MTOR: variants seen among roughly 807,000 people sequenced by gnomAD.
MTOR encodes mechanistic target of rapamycin kinase.
A neutral mutation model predicts 319.8 loss-of-function variants in MTOR; 70 were observed. That is an observed-to-expected ratio of 0.22 (90% CI 0.18 to 0.27). MTOR has a LOEUF of 0.27. MTOR is among the 10% of genes least tolerant of loss of function. The probability of loss-of-function intolerance (pLI) is 1.00; values close to 1 mark genes in which losing one functional copy is unlikely to be tolerated. For missense variants in MTOR, 1,890 were observed against 3,274.4 expected (o/e 0.58, Z 10.32); for synonymous variants, 1,183 against 1,211.4 (o/e 0.98, Z 0.49).
intron 19 of MTOR, among the ~76,000 whole-genome samples, chr1:11,225,743 T>C (rs1342192615): frequency 6.6e-6 from 1 of 152,058 alleles, no homozygotes; most frequent in Non-Finnish European, 1.5e-5. Context: ...CTTTGAAAAA[T>C]GCTTTAACAA....
At chr1:11,211,852 T>C (rs1479059672) in intron 23 of MTOR, among the ~76,000 whole-genome samples, 1 of 152,192 alleles carries the variant, frequency 6.6e-6, no homozygotes, top group Non-Finnish European at 1.5e-5. Context: ...TTTCCTGCTG[T>C]GCCCTGAACT....
At chr1:11,246,398 T>C (rs951316451) in intron 8 of MTOR, among the ~76,000 whole-genome samples, 8 of 152,230 alleles carry the variant, frequency 5.3e-5, no homozygotes, top group African/African-American at 9.6e-5. Context: ...AACAGCAGCC[T>C]GTCTGGTCAT....
At chr1:11,114,481 C>G (rs778967508) in intron 52 of MTOR, 28 bp from the exon 53 acceptor site, 2 of 1,613,310 alleles carry the variant, frequency 1.2e-6, no homozygotes, top group Non-Finnish European at 1.7e-6. Context: ...CCACTCACCA[C>G]AGGAGTTACT....
At position 11,127,884 on chromosome 1, in the gene MTOR, T is replaced by C. The variant is rs1406878583; in HGVS notation, c.6034-78A>G. ...AGGTCTGTTTTGGAGACACAGGAGG[T>C]ACTATTTCCAGCAGTCAGAGGAAGT... On this transcript the variant is annotated intron_variant, in intron 43 of 57. Coordinates refer to ENST00000361445, the MANE Select transcript of MTOR (RefSeq NM_004958.4). The surrounding 1 kb of genome is among the most constrained non-coding windows in gnomAD (Gnocchi z 5.5). 1.0e-5 allele frequency: 16 copies of C among 1,578,240 alleles called. No individual in the cohort carries two copies. The highest frequency in any genetic ancestry group is 1.4e-5 in the Non-Finnish European group (16 of 1,162,576).
intron 16 of MTOR, 87 bp from the exon 17 acceptor site, chr1:11,231,521 A>G: frequency 6.7e-7 from 1 of 1,500,988 alleles, no homozygotes; most frequent in Non-Finnish European, 9.0e-7. Context: ...ATTATAATGA[A>G]GTGTTAGAGG....
chr1:11,162,997 A>C (rs1038315312), intron 29 of MTOR, among the ~76,000 whole-genome samples: 1 of 152,234 alleles, frequency 6.6e-6, no homozygotes, highest in African/African-American at 2.4e-5. Context: ...GGCAAATTGG[A>C]TAAAGAGTCA....
At chr1:11,195,116 T>G (rs28991013) in intron 28 of MTOR, 4 of 1,344,332 alleles carry the variant, frequency 3.0e-6, no homozygotes, top group East Asian at 4.9e-5. Context: ...TTAGAAAGGG[T>G]AGGACTGAGA....
chr1:11,230,945 G>C lies in MTOR; in HGVS notation c.2759C>G (p.Ser920Cys), dbSNP rs769287552. ...RDASAVSLSESKSSQDSSDYS... is the reference protein window; with the variant it reads ...RDASAVSLSECKSSQDSSDYS... ...CTTACAGGAATCCTGACTTGACTTGGATTCTGACAGGCTGACAGCAGAGGC... is the reference window on the plus strand; with the variant it reads ...CTTACAGGAATCCTGACTTGACTTGCATTCTGACAGGCTGACAGCAGAGGC... The change falls in exon 18 of 58, where the codon TCC (serine) becomes TGC (cysteine). Residue 920 changes from serine to cysteine, a missense_variant. Around this residue, in one of 15 missense-constraint regions of MTOR, gnomAD observed 377 missense variants for 653.9 expected, o/e 0.58. Coordinates refer to ENST00000361445, the MANE Select transcript of MTOR (RefSeq NM_004958.4). 6.2e-7 allele frequency: 1 copy of C among 1,614,028 alleles called. No homozygotes were observed. Among genetic ancestry groups the C allele is most frequent in the South Asian group, 1.1e-5 (1 of 91,070 alleles).
chr1:11,187,414 C>A (rs1265539743), intron 28 of MTOR, among the ~76,000 whole-genome samples: 1 of 152,206 alleles, frequency 6.6e-6, no homozygotes, highest in Non-Finnish European at 1.5e-5. Context: ...GAGCACGCAA[C>A]CTAGATCCCT....
chr1:11,209,547 C>T, intron 24 of MTOR, 89 bp from the exon 25 acceptor site: 1 of 1,473,498 alleles, frequency 6.8e-7, no homozygotes, highest in Non-Finnish European at 9.3e-7. Context: ...AGGTGCAGAC[C>T]TGGTAGAGCC....
intron 53 of MTOR, among the ~76,000 whole-genome samples, chr1:11,113,874 G>A (rs1343667457): frequency 6.6e-6 from 1 of 152,150 alleles, no homozygotes; most frequent in African/African-American, 2.4e-5. Flanking sequence ...CATGGGAGGT[G>A]ATTAGATCAT....
chr1:11,227,647 A>G (rs1646888788), intron 19 of MTOR, among the ~76,000 whole-genome samples: 1 of 152,190 alleles, frequency 6.6e-6, no homozygotes, highest in Admixed American at 6.5e-5. Flanking sequence ...GGTTTAAAGA[A>G]AGACACAAGA....
intron 28 of MTOR, chr1:11,194,987 G>A (rs746484379): frequency 9.3e-6 from 15 of 1,614,030 alleles, no homozygotes; most frequent in South Asian, 6.6e-5. Context: ...TCAAACGGGT[G>A]GAGATGAAAA....
At chr1:11,120,729 G>C (rs897786015) in intron 49 of MTOR, among the ~76,000 whole-genome samples, 8 of 151,924 alleles carry the variant, frequency 5.3e-5, no homozygotes, top group African/African-American at 1.9e-4. Flanking sequence ...AAATCATCTT[G>C]GGTACATATA....
chr1:11,211,041 T>C, intron 23 of MTOR, 135 bp from the exon 24 acceptor site: 1 of 606,146 alleles, frequency 1.6e-6, no homozygotes. Flanking sequence ...TTCAAAAGAA[T>C]CCTTCTTCCC....
intron 19 of MTOR, among the ~76,000 whole-genome samples, chr1:11,224,507 T>C (rs1054815470): frequency 2.6e-5 from 4 of 152,126 alleles, no homozygotes; most frequent in African/African-American, 9.7e-5. Context: ...TCAGTATTGA[T>C]AGATCAAACA....
At chr1:11,181,003 T>C (rs527833184) in intron 28 of MTOR, among the ~76,000 whole-genome samples, 1 of 152,186 alleles carries the variant, frequency 6.6e-6, no homozygotes, top group African/African-American at 2.4e-5. Context: ...TCTTGATATC[T>C]TGACTTTGTA....
At chr1:11,250,037 CGG>C (rs1230058280) in intron 6 of MTOR, among the ~76,000 whole-genome samples, 69 of 140,982 alleles carry the variant, frequency 4.9e-4, no homozygotes, top group African/African-American at 1.7e-3. Flanking sequence ...GGTGGCTGGC[CGG>C]GCGGGGGGCT....
At chr1:11,193,764 T>G in intron 28 of MTOR, 6 of 1,614,008 alleles carry the variant, frequency 3.7e-6, no homozygotes, top group Non-Finnish European at 5.1e-6. Context: ...CGGCTGCGTG[T>G]AGAGATGGAG....
Sources: gnomAD v4.1 joint callset for allele counts (sites outside exome capture counted in the v4.1 genomes callset) on GRCh38, gnomAD v4.1.1 for gene constraint, gnomAD v4.1.1 regional missense constraint, Gnocchi (gnomAD v3.1) non-coding constraint, MANE v1.5 for transcripts, NCBI Gene and HGNC (gene_info 2026-07-23, HGNC 2026-07-21) for gene names.